Variants in SVIL observed in about 807,000 individuals in gnomAD.
The protein encoded by SVIL is archvillin.
A neutral mutation model predicts 240.4 loss-of-function variants in SVIL; 101 were observed. The observed-to-expected ratio is 0.42, with a 90% CI of 0.36 to 0.50. SVIL has a LOEUF of 0.50. Ranked by LOEUF, SVIL falls within the 20% of genes least tolerant of loss-of-function variation. The pLI, the probability that SVIL is intolerant of heterozygous loss-of-function variation, is 0.01. For missense variants in SVIL, 2,512 were observed against 2,818.7 expected, an observed-to-expected ratio of 0.89 and a Z score of 2.46; for synonymous variants, 999 against 1,100.0, an observed-to-expected ratio of 0.91 and a Z score of 1.82.
At chr10:29,479,462 G>A (rs1946587294) in intron 29 of SVIL, among the ~76,000 whole-genome samples, 1 of 152,186 alleles carries the variant, frequency 6.6e-6, no homozygotes, top group South Asian at 2.1e-4. Context: ...CCCTGAGGGG[G>A]CAGGGGGACC....
intron 1 of SVIL, among the ~76,000 whole-genome samples, chr10:29,593,401 C>T (rs138193517): frequency 2.5e-4 from 38 of 152,228 alleles, no homozygotes; most frequent in Admixed American, 5.2e-4. Context: ...ACTGTGGACT[C>T]GAGAGCATTT....
At chr10:29,494,442 C>A (rs538300962) in intron 20 of SVIL, among the ~76,000 whole-genome samples, 5 of 152,188 alleles carry the variant, frequency 3.3e-5, no homozygotes, top group Non-Finnish European at 7.3e-5. Flanking sequence ...GCATTTTAAT[C>A]AAGAGATAAA....
intron 1 of SVIL, among the ~76,000 whole-genome samples, chr10:29,623,853 AAAC>A (rs901749375): frequency 1.3e-5 from 2 of 152,150 alleles, no homozygotes; most frequent in African/African-American, 2.4e-5. Flanking sequence ...TCCATCTCAA[AAAC>A]AACAACAACA....
intron 1 of SVIL, among the ~76,000 whole-genome samples, chr10:29,584,032 A>G (rs774810761): frequency 5.3e-5 from 8 of 152,216 alleles, no homozygotes; most frequent in Non-Finnish European, 1.0e-4. Context: ...CTGGGAAGAA[A>G]CAGGGAAACA....
Position 29,655,453 on chromosome 10 carries a change from G to A in SVIL, c.-201+2516C>T, listed in dbSNP as rs144300089. On this transcript the variant is annotated intron_variant, in intron 3 of 35. Transcript: ENST00000375400. ...GAAACAGAGCCAGAAGACCCAGCAA[G>A]CTGCTTATCCCACCTTCTTCTACTG... is the stretch of plus-strand genomic sequence containing the variant. 2.1e-3 allele frequency among the ~76,000 whole-genome samples: 313 copies of A among 152,332 alleles called. 1 individual carries two copies. The highest frequency in any genetic ancestry group is 7.2e-3 in the African/African-American group (299 of 41,576).
intron 1 of SVIL, among the ~76,000 whole-genome samples, chr10:29,710,442 G>A (rs1963198464): frequency 6.6e-6 from 1 of 152,124 alleles, no homozygotes; most frequent in South Asian, 2.1e-4. Flanking sequence ...AAGTTTCCCT[G>A]TTCAAATCTG....
chr10:29,619,299 A>G (rs1168375315), intron 1 of SVIL, among the ~76,000 whole-genome samples: 1 of 152,234 alleles, frequency 6.6e-6, no homozygotes, highest in Non-Finnish European at 1.5e-5. Context: ...GCGGATGCGT[A>G]TGTGAGGAAA....
chr10:29,581,014 T>C (rs1955922621), intron 1 of SVIL, among the ~76,000 whole-genome samples: 2 of 152,316 alleles, frequency 1.3e-5, no homozygotes, highest in Middle Eastern at 3.4e-3. Context: ...TCTGAATACA[T>C]ACTGACATGA....
At chr10:29,633,700 C>G (rs1462428431) in intron 1 of SVIL, among the ~76,000 whole-genome samples, 1 of 151,850 alleles carries the variant, frequency 6.6e-6, no homozygotes, top group Non-Finnish European at 1.5e-5. Context: ...GTCAAATAAG[C>G]CTTCTATGTT....
intron 6 of SVIL, among the ~76,000 whole-genome samples, chr10:29,541,628 G>T (rs1952165416): frequency 6.6e-6 from 1 of 152,160 alleles, no homozygotes; most frequent in Non-Finnish European, 1.5e-5. Flanking sequence ...AAGGAGGGAG[G>T]GAGGAGGTAT....
At position 29,615,985 on chromosome 10, in the gene SVIL, C is replaced by CAT. The variant is rs150141973; in HGVS notation, c.-201+18433_-201+18434dup. Among the ~76,000 whole-genome samples, 120 of 152,306 alleles carry CAT rather than the reference C, an allele frequency of 7.9e-4. 1 individual carries two copies. The East Asian group carries it at 0.017, about 22-fold the overall frequency. On this transcript the variant is annotated intron_variant, in intron 1 of 37. Coordinates refer to ENST00000355867, the MANE Select transcript of SVIL (RefSeq NM_021738.3). ...TTTGCAATGACATGGCATGATACCC[C>CAT]ATATCTAAATAATATGCTTATACAG...
chr10:29,587,511 G>A (rs926184827), intron 1 of SVIL, among the ~76,000 whole-genome samples: 6 of 152,180 alleles, frequency 3.9e-5, no homozygotes, highest in Non-Finnish European at 8.8e-5. Context: ...TTCCAAGGCC[G>A]CACTGGGACT....
upstream of SVIL, among the ~76,000 whole-genome samples, chr10:29,636,952 C>A (rs1958331351): frequency 6.6e-6 from 1 of 152,088 alleles, no homozygotes; most frequent in African/African-American, 2.4e-5. Context: ...CAGATGTGCA[C>A]CACCACACTG....
intron 1 of SVIL, among the ~76,000 whole-genome samples, chr10:29,632,430 G>T (rs1330057748): frequency 1.3e-5 from 2 of 151,444 alleles, no homozygotes; most frequent in Non-Finnish European, 2.9e-5. Context: ...GGTGGAGGTT[G>T]CAGTGAGCTG....
chr10:29,630,871 C>A (rs927319955), intron 1 of SVIL, among the ~76,000 whole-genome samples: 15 of 152,146 alleles, frequency 9.9e-5, no homozygotes, highest in Non-Finnish European at 1.5e-4. Flanking sequence ...CAAGTCGTTA[C>A]AATTCAATCC....
intron 1 of SVIL, chr10:29,575,329 T>C (rs775037698): frequency 4.6e-6 from 1 of 215,434 alleles, no homozygotes; most frequent in African/African-American, 2.3e-5. Flanking sequence ...ATTATTATCT[T>C]GACGAGAAAT....
chr10:29,701,387 T>C (rs77457804), intron 1 of SVIL, among the ~76,000 whole-genome samples: 2,301 of 152,310 alleles, frequency 0.015, 41 homozygotes, highest in East Asian at 0.095. Flanking sequence ...AGCTTCATCA[T>C]TGGATTTTCC....
intron 35 of SVIL, among the ~76,000 whole-genome samples, 173 bp downstream of exon 35, chr10:29,463,313 AAAACTT>A (rs1269800653): frequency 1.1e-4 from 16 of 152,372 alleles, no homozygotes; most frequent in African/African-American, 3.8e-4. Flanking sequence ...GCGCTAATCT[AAAACTT>A]AATACATCTC....
chr10:29,712,722 T>G (rs1053880539), intron 1 of SVIL, among the ~76,000 whole-genome samples: 5 of 152,140 alleles, frequency 3.3e-5, no homozygotes, highest in Non-Finnish European at 2.9e-5. Flanking sequence ...GACTCAACAC[T>G]GTAAAAATAA....
Sources: allele counts gnomAD v4.1 joint callset (sites outside exome capture counted in the v4.1 genomes callset), GRCh38; gene constraint gnomAD v4.1.1; transcripts MANE v1.5; gene names NCBI Gene and HGNC (gene_info 2026-07-23, HGNC 2026-07-21).